Variants in CIZ1 observed in about 807,000 individuals in gnomAD.
CIZ1 encodes cip1-interacting zinc finger protein.
Under a neutral mutation model 118.6 loss-of-function variants are expected in CIZ1, and 58 were observed. The observed-to-expected ratio is 0.49, with a 90% confidence interval of 0.40 to 0.61. The LOEUF (loss-of-function observed/expected upper bound fraction) is 0.61, where lower values mean the gene tolerates loss of function less well. Ranked by LOEUF, CIZ1 falls within the 20% of genes least tolerant of loss-of-function variation. The pLI, the probability that CIZ1 is intolerant of heterozygous loss-of-function variation, is 0.00. For missense variants in CIZ1, 921 were observed against 1,115.9 expected, an observed-to-expected ratio of 0.83 and a Z score of 2.49; for synonymous variants, 448 against 443.4, an observed-to-expected ratio of 1.01 and a Z score of -0.13.
In CIZ1 at chr9:128,166,523, G is replaced by A. The variant is rs561886442; in HGVS notation, c.2488-117C>T. 255 of 1,008,632 alleles carry A rather than the reference G, an allele frequency of 2.5e-4. No homozygotes were observed. Among genetic ancestry groups the A allele is most frequent in the Middle Eastern group, 1.0e-3 (4 of 3,872 alleles). 62.5% of individuals were successfully genotyped at this position (1,008,632 alleles called of 1,614,324 possible). Reference sequence around the variant, plus strand: ...GTATTAGTGTGCTCTGTGACCCTGCGTGATGCACTCGGCCTCTCTGGGCCG... The same window carrying A: ...GTATTAGTGTGCTCTGTGACCCTGCATGATGCACTCGGCCTCTCTGGGCCG... On this transcript the variant is annotated intron_variant, in intron 16 of 16. Transcript: ENST00000372938. The surrounding 1 kb of genome is among the most constrained non-coding windows in gnomAD (Gnocchi z 4.4).
upstream of CIZ1, chr9:128,191,873 G>A (rs1210052983): frequency 1.4e-6 from 2 of 1,459,172 alleles, no homozygotes; most frequent in Admixed American, 2.4e-5. This position sits in a 1 kb window ranked among gnomAD's most constrained non-coding sequence, Gnocchi z 5.5. Flanking sequence ...GGCCGCCGCG[G>A]TCCTGCGATC....
At position 128,201,223 on chromosome 9, in the gene CIZ1, G is replaced by A. The variant is rs1442722634; in HGVS notation, c.-6+2963C>T. ...GTGGAGGTTGCAGTGAGCCAAGATC[G>A]CACCACTGCACTCTAGCCTGGGTAA... On this transcript the variant is annotated intron_variant, in intron 1 of 17. Transcript: ENST00000372948. 4.3e-5 allele frequency among the ~76,000 whole-genome samples: 6 copies of A among 140,842 alleles called. No homozygotes were observed. The South Asian group carries it at 1.4e-3, about 33-fold the overall frequency. The allele number at this position is 140,842 out of a possible 152,430, so 92.4% of individuals were successfully genotyped here.
At chr9:128,169,972 C>A in intron 12 of CIZ1, 48 bp downstream of exon 12, 2 of 1,537,574 alleles carry the variant, frequency 1.3e-6, no homozygotes, top group Non-Finnish European at 1.8e-6. Context: ...CTGGACTCCA[C>A]TTGCAGACGG....
chr9:128,166,943 T>C lies in CIZ1; in HGVS notation c.2366-63A>G. 2.5e-6 allele frequency: 4 copies of C among 1,613,114 alleles called. No homozygotes were observed. The highest frequency in any genetic ancestry group is 3.4e-6 in the Non-Finnish European group (4 of 1,179,410). ...TGTACCAGCGAGGTGTCCCTCCCTCTCTAGGGGCCCATGTGCTCCCCAACC... is the reference window on the plus strand; with the variant it reads ...TGTACCAGCGAGGTGTCCCTCCCTCCCTAGGGGCCCATGTGCTCCCCAACC... On this transcript the variant is annotated intron_variant, in intron 15 of 16. Transcript: ENST00000372938. The surrounding 1 kb of genome is among the most constrained non-coding windows in gnomAD (Gnocchi z 4.4).
At chr9:128,198,483 A>G (rs1334268838) in intron 1 of CIZ1, 5 of 152,220 alleles carry the variant, frequency 3.3e-5, no homozygotes, top group East Asian at 3.8e-4. Context: ...GCTCAATTCA[A>G]CTGGCATTTA....
chr9:128,184,409 C>T lies in CIZ1; in HGVS notation c.588+1138G>A, dbSNP rs45519440. On this transcript the variant is annotated intron_variant, in intron 5 of 16. Transcript: ENST00000372938. ...TTAGTAATATTAATTTAGCCCATTTCTTTTTACTTTATAATGTGGTTACCA... is the reference window on the plus strand; with the variant it reads ...TTAGTAATATTAATTTAGCCCATTTTTTTTTACTTTATAATGTGGTTACCA... 6.3e-3 allele frequency among the ~76,000 whole-genome samples: 946 copies of T among 149,970 alleles called. 12 individuals are homozygous for T. The highest frequency in any genetic ancestry group is 0.022 in the African/African-American group (884 of 40,798).
rs1189498054 is a variant in CIZ1, at chr9:128,166,384, G to C, written c.2510C>G (p.Pro837Arg). ...NLQKYKAAKN[P>R]SPTTRPVSRR... ...GCTCACAGGTCGGGTGGTGGGGCTG[G>C]GGTTCTTGGCCGCCTTGTATTTCTG... Residue 837 changes from proline (P) to arginine (R), a missense_variant, in exon 17 of 17, where the codon CCC becomes CGC. By Grantham distance (103) the Pro-to-Arg change is moderately radical. Coordinates refer to ENST00000372938, the MANE Select transcript of CIZ1 (RefSeq NM_001131016.2). The surrounding 1 kb of genome is among the most constrained non-coding windows in gnomAD (Gnocchi z 4.4). 7 of 1,547,722 alleles carry C rather than the reference G, an allele frequency of 4.5e-6. No homozygotes were observed. Among genetic ancestry groups the C allele is most frequent in the Non-Finnish European group, 5.2e-6 (6 of 1,144,274 alleles).
At position 128,167,167 on chromosome 9, in the gene CIZ1, G is replaced by C. The variant is rs1326939720; in HGVS notation, c.2296-3C>G. On this transcript the variant is annotated splice_region_variant and splice_polypyrimidine_tract_variant and intron_variant, in intron 14 of 16. Coordinates refer to ENST00000372938, the MANE Select transcript of CIZ1 (RefSeq NM_001131016.2). ...CTGGATATATCTCTGGACCTCACCT[G>C]AAAACATGCAAGTGTGGGCCTCGGA... 1.3e-6 allele frequency: 2 copies of C among 1,577,162 alleles called. No individual in the cohort carries two copies. The highest frequency in any genetic ancestry group is 2.7e-5 in the African/African-American group (2 of 73,974).
At chr9:128,169,947 G>T (rs1829930798) in intron 12 of CIZ1, 73 bp downstream of exon 12, 4 of 1,377,144 alleles carry the variant, frequency 2.9e-6, no homozygotes, top group East Asian at 2.3e-5. Context: ...CTTTCCAACT[G>T]GGGCTCTGTG....
upstream of CIZ1, chr9:128,191,686 G>A: frequency 7.8e-7 from 1 of 1,285,634 alleles, no homozygotes; most frequent in East Asian, 3.2e-5. This position sits in a 1 kb window ranked among gnomAD's most constrained non-coding sequence, Gnocchi z 5.5. Flanking sequence ...CTGGGGGGCG[G>A]CTGCGGGGCG....
In CIZ1 at chr9:128,203,409, C is replaced by A; in HGVS notation, c.-6+777G>T. ...GGGCGCGCGGCTGCAGCGGCGGAGCCGGAGTCGGAGCCGGGAGCGCTAGCG... is the reference window on the plus strand; with the variant it reads ...GGGCGCGCGGCTGCAGCGGCGGAGCAGGAGTCGGAGCCGGGAGCGCTAGCG... On this transcript the variant is annotated intron_variant, in intron 1 of 17. Coordinates refer to the CIZ1 transcript ENST00000372948. The surrounding 1 kb of genome is among the most constrained non-coding windows in gnomAD (Gnocchi z 5.3). The A allele has an allele frequency of 2.2e-6, 3 of 1,352,698 alleles. No individual in the cohort carries two copies. The highest frequency in any genetic ancestry group is 2.9e-6 in the Non-Finnish European group (3 of 1,050,760). 83.8% of individuals were successfully genotyped at this position (1,352,698 alleles called of 1,614,324 possible).
At chr9:128,180,041 C>T (rs920599556) in intron 7 of CIZ1, among the ~76,000 whole-genome samples, 2 of 152,174 alleles carry the variant, frequency 1.3e-5, no homozygotes, top group Admixed American at 1.3e-4. Flanking sequence ...CTTTGGCTGT[C>T]TAGGCCTCAG....
intron 14 of CIZ1, among the ~76,000 whole-genome samples, chr9:128,168,383 G>T (rs1303583541): frequency 6.6e-6 from 1 of 152,104 alleles, no homozygotes; most frequent in Non-Finnish European, 1.5e-5. Flanking sequence ...GGGCGTGGTG[G>T]TGGGCACCTG....
chr9:128,179,831 C>T (rs1408239483), intron 7 of CIZ1, among the ~76,000 whole-genome samples: 1 of 152,042 alleles, frequency 6.6e-6, no homozygotes, highest in Non-Finnish European at 1.5e-5. Flanking sequence ...CGCCACCACA[C>T]CCAGCTAATT....
upstream of CIZ1, among the ~76,000 whole-genome samples, chr9:128,195,106 G>A (rs1345014888): frequency 6.6e-6 from 1 of 152,104 alleles, no homozygotes; most frequent in Non-Finnish European, 1.5e-5. Flanking sequence ...ACAGGTGTGA[G>A]CCACCACATT....
At chr9:128,189,287 A>G (rs1832834896) in intron 3 of CIZ1, among the ~76,000 whole-genome samples, 1 of 152,142 alleles carries the variant, frequency 6.6e-6, no homozygotes, top group African/African-American at 2.4e-5. Context: ...ATGTATATGT[A>G]TATGTGGCAG....
chr9:128,168,562 C>G (rs1274266097), intron 14 of CIZ1, among the ~76,000 whole-genome samples: 5 of 151,854 alleles, frequency 3.3e-5, no homozygotes, highest in Non-Finnish European at 7.4e-5. Flanking sequence ...AATCCAAGCT[C>G]CTCCAGCTCC....
intron 3 of CIZ1, among the ~76,000 whole-genome samples, chr9:128,190,092 T>C (rs1832939810): frequency 1.3e-5 from 2 of 152,210 alleles, no homozygotes; most frequent in East Asian, 3.8e-4. Flanking sequence ...GTGCTGAGTA[T>C]TGCCCAAAGA....
chr9:128,193,213 G>T (rs753709066), upstream of CIZ1, among the ~76,000 whole-genome samples: 1 of 152,182 alleles, frequency 6.6e-6, no homozygotes, highest in African/African-American at 2.4e-5. Context: ...CCCCGGGGAC[G>T]TCGGCGCCTA....
Sources: gnomAD v4.1 joint callset for allele counts (sites outside exome capture counted in the v4.1 genomes callset) on GRCh38, gnomAD v4.1.1 for gene constraint, Gnocchi (gnomAD v3.1) non-coding constraint, MANE v1.5 for transcripts, NCBI Gene and HGNC (gene_info 2026-07-23, HGNC 2026-07-21) for gene names.